The following GLB1L3 variants were observed in gnomAD, a reference collection of about 807,000 sequenced individuals.
GLB1L3 encodes galactosidase beta 1 like 3, also known as beta-galactosidase-1-like protein 3.
Under a neutral mutation model 89.5 loss-of-function variants are expected in GLB1L3, and 89 were observed. That is an observed-to-expected ratio of 0.99 (90% CI 0.84 to 1.19). The LOEUF is 1.19. Among genes scored for constraint, GLB1L3 ranks in the 50% most tolerant of loss-of-function variants. The pLI is 0.00. For synonymous variants in GLB1L3, 314 were observed against 312.3 expected (o/e 1.01, Z -0.06); for missense variants, 812 against 813.3 (o/e 1.00, Z 0.02).
Position 134,286,931 on chromosome 11 carries a change from T to C in GLB1L3, c.637-1867T>C, listed in dbSNP as rs866716103. ...ATTCCAGCACTTTGGGAGGCCGAGG[T>C]GGGTGGATCACGAGGTCAGGAGATC... On this transcript the variant is annotated intron_variant, in intron 6 of 19. Transcript: ENST00000431683. Among the ~76,000 whole-genome samples, 72 of 149,278 alleles carry C rather than the reference T, an allele frequency of 4.8e-4. 1 individual carries two copies. The highest frequency in any genetic ancestry group is 3.9e-3 in the South Asian group (18 of 4,660).
In GLB1L3 at chr11:134,277,385, G is replaced by A. The variant is rs1940433792; in HGVS notation, c.83G>A (p.Gly28Asp). The A allele has an allele frequency of 6.2e-7, 1 of 1,613,978 alleles. No homozygotes were observed. Residue 28 changes from glycine to aspartate, a missense_variant, in exon 2 of 20, where the codon GGT (glycine) becomes GAT (aspartate). This residue lies in a region of GLB1L3 where 191 missense variants were observed against 191.4 expected (regional missense o/e 1.00). Coordinates refer to ENST00000431683, the MANE Select transcript of GLB1L3 (RefSeq NM_001080407.3). ...TTTTTCCTGCCATTTATCTCATCAG[G>A]TTTTGCTCCTCGGTTTAAGCAGGAA... ...GIFFLPFISS[G>D]FAPRFKQEEN... is the part of the protein sequence containing the mutation.
At chr11:134,308,369 C>T (rs1942412717) in intron 10 of GLB1L3, among the ~76,000 whole-genome samples, 1 of 98,980 alleles carries the variant, frequency 1.0e-5, no homozygotes, top group East Asian at 2.8e-4. Context: ...CCACCACCAC[C>T]ACCACCACCA....
intron 18 of GLB1L3, among the ~76,000 whole-genome samples, chr11:134,315,816 T>C (rs1942953789): frequency 6.6e-6 from 1 of 152,204 alleles, no homozygotes; most frequent in Admixed American, 6.5e-5. Flanking sequence ...TTATTCAATT[T>C]CTTAGTTTAG....
At chr11:134,308,398 TCACCATCACCAC>T (rs1942430590) in intron 10 of GLB1L3, among the ~76,000 whole-genome samples, 3 of 26,472 alleles carry the variant, frequency 1.1e-4, no homozygotes, top group Non-Finnish European at 2.1e-4. Context: ...ATCACCACCA[TCACCATCACCAC>T]CACCACCATC....
At chr11:134,313,336 G>A in intron 15 of GLB1L3, 60 bp from the exon 16 acceptor site, 1 of 1,364,622 alleles carries the variant, frequency 7.3e-7, no homozygotes, top group Non-Finnish European at 1.0e-6. Flanking sequence ...GAAAAAACGG[G>A]TTGTCGGGTA....
At chr11:134,300,795 G>A (rs956775262) in intron 9 of GLB1L3, among the ~76,000 whole-genome samples, 11 of 152,192 alleles carry the variant, frequency 7.2e-5, no homozygotes, top group South Asian at 2.1e-4. Context: ...TGAGGACCCC[G>A]GTGACATGGG....
chr11:134,291,424 T>A (rs1941351131), intron 7 of GLB1L3, among the ~76,000 whole-genome samples: 1 of 152,124 alleles, frequency 6.6e-6, no homozygotes, highest in South Asian at 2.1e-4. Flanking sequence ...CACACCTGGC[T>A]AATTAGAGAC....
At chr11:134,296,152 A>T (rs1228454514) in intron 9 of GLB1L3, among the ~76,000 whole-genome samples, 2 of 151,778 alleles carry the variant, frequency 1.3e-5, no homozygotes, top group Non-Finnish European at 2.9e-5. Context: ...ATACCATCTC[A>T]CACCAGTTAG....
At chr11:134,282,750 C>T (rs1162988759) in intron 5 of GLB1L3, among the ~76,000 whole-genome samples, 1 of 152,210 alleles carries the variant, frequency 6.6e-6, no homozygotes, top group African/African-American at 2.4e-5. Flanking sequence ...GGCAGGGCTT[C>T]CTGGGGAATC....
chr11:134,287,330 A>G (rs1020606948), intron 6 of GLB1L3: 2 of 152,262 alleles, frequency 1.3e-5, no homozygotes, highest in African/African-American at 4.8e-5. Flanking sequence ...TTATAAGGGT[A>G]AGTGAAATGT....
intron 10 of GLB1L3, among the ~76,000 whole-genome samples, chr11:134,308,444 C>T (rs1942456801): frequency 3.4e-5 from 2 of 59,468 alleles, no homozygotes; most frequent in African/African-American, 1.1e-4. Flanking sequence ...CCACCACCAC[C>T]ATCACCACCA....
At chr11:134,281,077 T>C (rs909662663) in intron 3 of GLB1L3, among the ~76,000 whole-genome samples, 1 of 152,250 alleles carries the variant, frequency 6.6e-6, no homozygotes, top group East Asian at 1.9e-4. Flanking sequence ...TTGTTCTCTT[T>C]TTTAATTTAT....
chr11:134,322,779 G>A (rs543592870), downstream of GLB1L3, among the ~76,000 whole-genome samples: 1 of 152,174 alleles, frequency 6.6e-6, no homozygotes, highest in South Asian at 2.1e-4. Flanking sequence ...ATGTTCCATT[G>A]TATGGATACA....
At position 134,312,441 on chromosome 11, in the gene GLB1L3, C is replaced by T. The variant is rs1421488904; in HGVS notation, c.1380C>T (p.Ser460=). The change falls in exon 14 of 20, where the codon TCC becomes TCT. Residue 460 remains serine, a synonymous_variant. Transcript: ENST00000431683. ...QSYGLVLYEK[S]ICSGGRLRAH... is the part of the protein sequence containing the mutation. ...ACGGGCTTGTCCTGTATGAGAAGTC[C>T]ATCTGCTCCGGAGGCCGCCTCCGTG... 18 of 1,613,472 alleles carry T rather than the reference C, an allele frequency of 1.1e-5. No individual in the cohort carries two copies. The highest frequency in any genetic ancestry group is 2.7e-5 in the African/African-American group (2 of 74,912).
At chr11:134,290,763 C>T (rs1404914171) in intron 7 of GLB1L3, among the ~76,000 whole-genome samples, 4 of 152,048 alleles carry the variant, frequency 2.6e-5, no homozygotes, top group Non-Finnish European at 5.9e-5. Context: ...TCCTTGTTCC[C>T]CTTGACAGTG....
At chr11:134,323,737 G>A (rs1943192808), downstream of GLB1L3, among the ~76,000 whole-genome samples, 1 of 152,126 alleles carries the variant, frequency 6.6e-6, no homozygotes, top group African/African-American at 2.4e-5. Context: ...ATCATTAGTT[G>A]CTTGTAAGGC....
chr11:134,313,515 G>A lies in GLB1L3; in HGVS notation c.1579+41G>A, dbSNP rs540760949. On this transcript the variant is annotated intron_variant, in intron 16 of 19. Coordinates refer to ENST00000431683, the MANE Select transcript of GLB1L3 (RefSeq NM_001080407.3). ...GGCTTCTCCTCAGTTGCTCAGAACC[G>A]AAGACCCGGGCTATGCACTGGAGTC... 331 of 1,296,544 alleles carry A rather than the reference G, an allele frequency of 2.6e-4. 1 individual carries two copies. The highest frequency in any genetic ancestry group is 6.9e-4 in the South Asian group (55 of 79,160). The allele number at this position is 1,296,544 out of a possible 1,614,324, so 80.3% of individuals were successfully genotyped here. A position where few individuals can be genotyped will look rare whatever the true frequency, so the allele number is the denominator to read the frequency against.
chr11:134,276,118 G>A, upstream of GLB1L3: 1 of 152,652 alleles, frequency 6.6e-6, no homozygotes, highest in Non-Finnish European at 1.5e-5. Context: ...CGCCGCGCTC[G>A]CATCTGCTGT....
At chr11:134,277,074 C>T (rs1565384443) in intron 1 of GLB1L3, 2 of 591,052 alleles carry the variant, frequency 3.4e-6, no homozygotes, top group Non-Finnish European at 3.0e-6. Context: ...CCCAGGCACC[C>T]ACCGGCACTG....
Sources: gnomAD v4.1 joint callset for allele counts (sites outside exome capture counted in the v4.1 genomes callset) on GRCh38, gnomAD v4.1.1 for gene constraint, gnomAD v4.1.1 regional missense constraint, MANE v1.5 for transcripts, NCBI Gene and HGNC (gene_info 2026-07-23, HGNC 2026-07-21) for gene names.